CFAP299: variants seen among roughly 807,000 people sequenced by gnomAD.
The protein encoded by CFAP299 is cilia- and flagella-associated protein 299.
CFAP299 carries 21 observed loss-of-function variants against 27.0 expected under a neutral mutation model. That is an observed-to-expected ratio of 0.78 (90% CI 0.55 to 1.12). The LOEUF (loss-of-function observed/expected upper bound fraction) is 1.12, where lower values mean the gene tolerates loss of function less well. Among genes scored for constraint, CFAP299 ranks in the 50% most tolerant of loss-of-function variants. The pLI, the probability that CFAP299 is intolerant of heterozygous loss-of-function variation, is 0.00. For synonymous variants in CFAP299, 104 were observed against 98.1 expected (o/e 1.06, Z -0.36); for missense variants, 310 against 276.6 (o/e 1.12, Z -0.86).
intron 2 of CFAP299, among the ~76,000 whole-genome samples, chr4:80,537,360 T>C (rs1014764470): frequency 2.5e-4 from 38 of 152,236 alleles, no homozygotes; most frequent in Non-Finnish European, 4.4e-4. Flanking sequence ...GGAAATGATA[T>C]CAATGTCAAA....
chr4:80,775,071 T>TA (rs369851677), intron 3 of CFAP299, among the ~76,000 whole-genome samples: 10,750 of 141,392 alleles, frequency 0.076, 429 homozygotes, highest in Middle Eastern at 0.095. Context: ...AATAAAAAAA[T>TA]AAAAAAAAAA....
intron 2 of CFAP299, among the ~76,000 whole-genome samples, chr4:80,500,083 A>G (rs915221188): frequency 1.3e-5 from 2 of 152,060 alleles, no homozygotes; most frequent in Non-Finnish European, 2.9e-5. Flanking sequence ...TTAGTCTACA[A>G]CCCACCACAG....
intron 2 of CFAP299, among the ~76,000 whole-genome samples, chr4:80,559,806 G>A (rs779454026): frequency 3.3e-5 from 5 of 152,166 alleles, no homozygotes; most frequent in Non-Finnish European, 7.4e-5. Flanking sequence ...CAGAATTGAC[G>A]AAACTAGTAG....
chr4:80,428,337 A>G (rs1727625615), intron 2 of CFAP299, among the ~76,000 whole-genome samples: 4 of 152,180 alleles, frequency 2.6e-5, no homozygotes, highest in African/African-American at 9.7e-5. Flanking sequence ...CCTATTCTAA[A>G]TTGGAAACAG....
At chr4:80,386,113 C>A (rs1421565572) in intron 2 of CFAP299, 1 of 474,550 alleles carries the variant, frequency 2.1e-6, no homozygotes, top group Non-Finnish European at 3.7e-6. Flanking sequence ...TCCAGTCTGC[C>A]CCCAGGGAGC....
chr4:80,925,304 T>C (rs1736252554), intron 4 of CFAP299, among the ~76,000 whole-genome samples: 1 of 152,004 alleles, frequency 6.6e-6, no homozygotes, highest in African/African-American at 2.4e-5. Flanking sequence ...ATTTCCAATG[T>C]GTGTCAAAAC....
chr4:80,500,700 C>T (rs1731696446), intron 2 of CFAP299, among the ~76,000 whole-genome samples: 1 of 152,096 alleles, frequency 6.6e-6, no homozygotes, highest in Admixed American at 6.6e-5. Context: ...TTCCATCTGT[C>T]TCACACGTGC....
chr4:80,464,253 G>C (rs559471117), intron 2 of CFAP299, among the ~76,000 whole-genome samples: 1 of 152,208 alleles, frequency 6.6e-6, no homozygotes, highest in Admixed American at 6.5e-5. Flanking sequence ...ACATTGCTAG[G>C]ACTGAAGCTA....
rs200140995 is a variant in CFAP299, at chr4:80,373,370, GC to G, written c.242+10489del. ...TTTGTGTGTACTCATTTGAGTAAAT[GC>G]CCATAGGTCTCTTTGGGGGAGAAGA... On this transcript the variant is annotated intron_variant, in intron 2 of 5. Transcript: ENST00000358105. Among the ~76,000 whole-genome samples the G allele has an allele frequency of 4.4e-3, 675 of 152,172 alleles. 13 individuals are homozygous for G. In the East Asian group the frequency reaches 0.058, roughly 13 times the overall value.
chr4:80,798,643 A>G (rs1284526459), intron 3 of CFAP299, among the ~76,000 whole-genome samples: 1 of 152,066 alleles, frequency 6.6e-6, no homozygotes, highest in African/African-American at 2.4e-5. Context: ...ACTCAGGACA[A>G]TCTTAGCAGA....
chr4:80,677,938 C>G (rs1246177509), intron 3 of CFAP299, among the ~76,000 whole-genome samples: 1 of 152,174 alleles, frequency 6.6e-6, no homozygotes, highest in East Asian at 1.9e-4. Context: ...CAGTGTGCTG[C>G]TGAAAGCCAG....
intron 2 of CFAP299, among the ~76,000 whole-genome samples, chr4:80,503,827 G>C (rs977417237): frequency 1.3e-5 from 2 of 152,072 alleles, no homozygotes; most frequent in African/African-American, 4.8e-5. Flanking sequence ...GAGTTAAAAG[G>C]GATGCCAAAA....
intron 3 of CFAP299, among the ~76,000 whole-genome samples, chr4:80,650,128 C>T (rs1006125810): frequency 1.3e-5 from 2 of 151,624 alleles, no homozygotes; most frequent in African/African-American, 4.8e-5. Context: ...GTAGAATTAT[C>T]TAAAATATGT....
chr4:80,874,908 C>T (rs905296977), intron 4 of CFAP299, among the ~76,000 whole-genome samples: 1 of 151,990 alleles, frequency 6.6e-6, no homozygotes, highest in African/African-American at 2.4e-5. Flanking sequence ...ATTCTGAAGA[C>T]TTCTCATAAA....
At chr4:80,590,938 G>A (rs1301078694) in intron 3 of CFAP299, among the ~76,000 whole-genome samples, 1 of 151,884 alleles carries the variant, frequency 6.6e-6, no homozygotes, top group African/African-American at 2.4e-5. Flanking sequence ...ATGGGAGAAT[G>A]TTAAGATTTG....
chr4:80,680,901 G>C (rs1039007254), intron 3 of CFAP299, among the ~76,000 whole-genome samples: 3 of 152,056 alleles, frequency 2.0e-5, no homozygotes, highest in African/African-American at 7.2e-5. Flanking sequence ...TATTGAAATG[G>C]GTTGCAGACT....
intron 2 of CFAP299, among the ~76,000 whole-genome samples, chr4:80,453,247 A>G (rs1393880587): frequency 6.6e-6 from 1 of 152,220 alleles, no homozygotes. Flanking sequence ...GGAAAAGATC[A>G]TGCTTTTGTT....
intron 3 of CFAP299, among the ~76,000 whole-genome samples, chr4:80,651,660 C>T (rs988057022): frequency 2.0e-5 from 3 of 150,594 alleles, no homozygotes; most frequent in Non-Finnish European, 3.0e-5. Flanking sequence ...CCACCGTGCC[C>T]GGGCGAATCT....
chr4:80,328,770 A>G, the CFAP299 span, among the ~76,000 whole-genome samples: 2 of 152,156 alleles, frequency 1.3e-5, no homozygotes, highest in Non-Finnish European at 2.9e-5. Flanking sequence ...TGTAGGCTAA[A>G]TCTGAACAGT....
Sources: allele counts gnomAD v4.1 joint callset (sites outside exome capture counted in the v4.1 genomes callset), GRCh38; gene constraint gnomAD v4.1.1; transcripts MANE v1.5; gene names NCBI Gene and HGNC (gene_info 2026-07-23, HGNC 2026-07-21).